The following EVX2 variants were observed in gnomAD, a reference collection of about 807,000 sequenced individuals.
EVX2 encodes even-skipped homeobox 2.
A neutral mutation model predicts 19.2 loss-of-function variants in EVX2; 10 were observed. The observed-to-expected ratio is 0.52, with a 90% CI of 0.32 to 0.89. EVX2 has a LOEUF of 0.89. EVX2 is among the 40% of genes least tolerant of loss of function. The pLI, the probability that EVX2 is intolerant of heterozygous loss-of-function variation, is 0.03. For synonymous variants in EVX2, 354 were observed against 328.4 expected (o/e 1.08, Z -0.84); for missense variants, 710 against 694.9 (o/e 1.02, Z -0.24).
Position 176,079,924 on chromosome 2 carries a change from G to A in EVX2, c.*183C>T, listed in dbSNP as rs1359353981. 1 of 539,598 alleles carries A rather than the reference G, an allele frequency of 1.9e-6. No individual in the cohort carries two copies. The highest frequency in any genetic ancestry group is 2.9e-6 in the Non-Finnish European group (1 of 343,046). The allele number at this position is 539,598 out of a possible 1,614,324, so 33.4% of individuals were successfully genotyped here. On this transcript the variant is annotated 3_prime_UTR_variant, in exon 3 of 3. Coordinates refer to ENST00000308618, the MANE Select transcript of EVX2 (RefSeq NM_001080458.2). The surrounding 1 kb of genome is among the most constrained non-coding windows in gnomAD (Gnocchi z 4.4). Reference sequence around the variant, plus strand: ...AAATAATTTAGGGGGATGCCCGCCAGGCTTTTGCGCCTGCTCCTTCTCCCC... The same window carrying A: ...AAATAATTTAGGGGGATGCCCGCCAAGCTTTTGCGCCTGCTCCTTCTCCCC...
chr2:176,080,008 G>C lies in EVX2; in HGVS notation c.*99C>G. 7.9e-7 allele frequency: 1 copy of C among 1,265,374 alleles called. No individual in the cohort carries two copies. Among genetic ancestry groups the C allele is most frequent in the Non-Finnish European group, 1.0e-6 (1 of 992,868 alleles). The allele number at this position is 1,265,374 out of a possible 1,614,324, so 78.4% of individuals were successfully genotyped here. ...CCCCGGGGCGCCCCCTGGCGGCAGCGGCAGCAGCGGGCAACGCGCGGAGGG... is the reference window on the plus strand; with the variant it reads ...CCCCGGGGCGCCCCCTGGCGGCAGCCGCAGCAGCGGGCAACGCGCGGAGGG... On this transcript the variant is annotated 3_prime_UTR_variant, in exon 3 of 3. Transcript: ENST00000308618. The surrounding 1 kb of genome is among the most constrained non-coding windows in gnomAD (Gnocchi z 7.0).
At position 176,080,241 on chromosome 2, in the gene EVX2, C is replaced by T; in HGVS notation, c.1297G>A (p.Gly433Arg). ...GGGGGGAGAG[G>R]GSDFGCSAAA... Reference sequence around the variant, plus strand: ...GCGCTGCAGCCGAAGTCCGAGCCTCCCCCGGCCCCGGCGCCCCCGCCGCCG... The same window carrying T: ...GCGCTGCAGCCGAAGTCCGAGCCTCTCCCGGCCCCGGCGCCCCCGCCGCCG... Residue 433 changes from glycine (G) to arginine (R), a missense_variant, in exon 3 of 3, where the codon GGA becomes AGA. By Grantham distance (125) the Gly-to-Arg change is moderately radical. Coordinates refer to ENST00000308618, the MANE Select transcript of EVX2 (RefSeq NM_001080458.2). This position sits in a 1 kb window ranked among gnomAD's most constrained non-coding sequence, Gnocchi z 7.0. 7 of 1,365,744 alleles carry T rather than the reference C, an allele frequency of 5.1e-6. No individual in the cohort carries two copies. The highest frequency in any genetic ancestry group is 6.6e-6 in the Non-Finnish European group (7 of 1,058,414). The allele number at this position is 1,365,744 out of a possible 1,614,324, so 84.6% of individuals were successfully genotyped here. A position where few individuals can be genotyped will look rare whatever the true frequency, so the allele number is the denominator to read the frequency against.
chr2:176,083,797 C>T lies in EVX2; in HGVS notation c.-21G>A. On this transcript the variant is annotated 5_prime_UTR_variant, in exon 1 of 3. Coordinates refer to ENST00000308618, the MANE Select transcript of EVX2 (RefSeq NM_001080458.2). The surrounding 1 kb of genome is among the most constrained non-coding windows in gnomAD (Gnocchi z 4.4). Reference sequence around the variant, plus strand: ...ATCATCTCAGCTTTCTTAAAAATGTCACAGTGGCCCTGCTGTCCCGTCCTA... The same window carrying T: ...ATCATCTCAGCTTTCTTAAAAATGTTACAGTGGCCCTGCTGTCCCGTCCTA... 1 of 1,593,888 alleles carries T rather than the reference C, an allele frequency of 6.3e-7. No homozygotes were observed. The highest frequency in any genetic ancestry group is 2.2e-5 in the East Asian group (1 of 44,676).
At position 176,083,284 on chromosome 2, in the gene EVX2, CTGGCGGGG is replaced by C; in HGVS notation, c.427+58_427+65del. On this transcript the variant is annotated intron_variant, in intron 1 of 2. Transcript: ENST00000308618. The surrounding 1 kb of genome is among the most constrained non-coding windows in gnomAD (Gnocchi z 4.4). ...AGAGGGGAAAAGGCACCGGGAAAGG[CTGGCGGGG>C]GCCGCGGAGGAGCAAAGAGGATGGG... 1 of 1,486,364 alleles carries C rather than the reference CTGGCGGGG, an allele frequency of 6.7e-7. No homozygotes were observed. Among genetic ancestry groups the C allele is most frequent in the Non-Finnish European group, 9.1e-7 (1 of 1,104,574 alleles). 92.1% of individuals were successfully genotyped at this position (1,486,364 alleles called of 1,614,324 possible).
In EVX2 at chr2:176,079,483, C is replaced by T. The variant is rs888476002; in HGVS notation, c.*624G>A. On this transcript the variant is annotated 3_prime_UTR_variant, in exon 3 of 3. Transcript: ENST00000308618. The surrounding 1 kb of genome is among the most constrained non-coding windows in gnomAD (Gnocchi z 4.4). ...AGTAAACAATCTCACAAACAACCACCGCTGCCCACGCTCTCCATCCGTCCT... is the reference window on the plus strand; with the variant it reads ...AGTAAACAATCTCACAAACAACCACTGCTGCCCACGCTCTCCATCCGTCCT... 6.6e-6 allele frequency: 1 copy of T among 152,310 alleles called. No homozygotes were observed. The highest frequency in any genetic ancestry group is 1.5e-5 in the Non-Finnish European group (1 of 68,150). 9.4% of individuals were successfully genotyped at this position (152,310 alleles called of 1,614,324 possible). A position where few individuals can be genotyped will look rare whatever the true frequency, so the allele number is the denominator to read the frequency against.
chr2:176,082,030 A>G lies in EVX2; in HGVS notation c.699+148T>C. 1.1e-6 allele frequency: 1 copy of G among 907,352 alleles called. No homozygotes were observed. Among genetic ancestry groups the G allele is most frequent in the Non-Finnish European group, 1.6e-6 (1 of 634,662 alleles). 56.2% of individuals were successfully genotyped at this position (907,352 alleles called of 1,614,324 possible). Reference sequence around the variant, plus strand: ...GTTCGGATTCGGTGGCCGGGAAATAAATAAGCCAATTCCTTTGGTGACTAC... The same window carrying G: ...GTTCGGATTCGGTGGCCGGGAAATAGATAAGCCAATTCCTTTGGTGACTAC... On this transcript the variant is annotated intron_variant, in intron 2 of 2. Coordinates refer to ENST00000308618, the MANE Select transcript of EVX2 (RefSeq NM_001080458.2). This position sits in a 1 kb window ranked among gnomAD's most constrained non-coding sequence, Gnocchi z 5.2.
In EVX2 at chr2:176,081,800, C is replaced by A. The variant is rs1689149726; in HGVS notation, c.699+378G>T. 6.6e-6 allele frequency among the ~76,000 whole-genome samples: 1 copy of A among 152,162 alleles called. No homozygotes were observed. Among genetic ancestry groups the A allele is most frequent in the Admixed American group, 6.5e-5 (1 of 15,284 alleles). On this transcript the variant is annotated intron_variant, in intron 2 of 2. Transcript: ENST00000308618. This position sits in a 1 kb window ranked among gnomAD's most constrained non-coding sequence, Gnocchi z 5.9. ...TTTATGCGGAAAATAAATCTCCAAG[C>A]TCAAGAGCAAATGAAAAGTTTCACC...
Position 176,080,236 on chromosome 2 carries a change from G to C in EVX2, c.1302C>G (p.Gly434=). ...GGGGGAGAGG[G]SDFGCSAAAP... ...CCGCCGCGCTGCAGCCGAAGTCCGA[G>C]CCTCCCCCGGCCCCGGCGCCCCCGC... The change falls in exon 3 of 3, where the codon GGC becomes GGG. Residue 434 remains glycine (G), a synonymous_variant. Coordinates refer to ENST00000308618, the MANE Select transcript of EVX2 (RefSeq NM_001080458.2). This position sits in a 1 kb window ranked among gnomAD's most constrained non-coding sequence, Gnocchi z 7.0. 1 of 1,392,712 alleles carries C rather than the reference G, an allele frequency of 7.2e-7. No homozygotes were observed. Among genetic ancestry groups the C allele is most frequent in the Non-Finnish European group, 9.3e-7 (1 of 1,069,866 alleles). The allele number at this position is 1,392,712 out of a possible 1,614,324, so 86.3% of individuals were successfully genotyped here.
chr2:176,080,255 C>T lies in EVX2; in HGVS notation c.1283G>A (p.Gly428Asp). ...GTCCGAGCCTCCCCCGGCCCCGGCG[C>T]CCCCGCCGCCGCCGCCACCACCACC... ...GGGGGGGGGG[G>D]AGAGGGSDFG... The change falls in exon 3 of 3, where the codon GGC becomes GAC. Residue 428 changes from glycine (G) to aspartate (D), a missense_variant. Physicochemically the swap from Gly to Asp is moderately conservative, Grantham distance 94 (BLOSUM62 -1). Transcript: ENST00000308618. This position sits in a 1 kb window ranked among gnomAD's most constrained non-coding sequence, Gnocchi z 7.0. 1.5e-6 allele frequency: 2 copies of T among 1,328,508 alleles called. No homozygotes were observed. The highest frequency in any genetic ancestry group is 3.8e-5 in the South Asian group (2 of 52,886). The allele number at this position is 1,328,508 out of a possible 1,614,324, so 82.3% of individuals were successfully genotyped here.
Position 176,079,980 on chromosome 2 carries a change from G to A in EVX2, c.*127C>T. ...CGGAGCAGGTTCCCTTCGGCCTCCCGCGCCCCGGGGCGCCCCCTGGCGGCA... is the reference window on the plus strand; with the variant it reads ...CGGAGCAGGTTCCCTTCGGCCTCCCACGCCCCGGGGCGCCCCCTGGCGGCA... On this transcript the variant is annotated 3_prime_UTR_variant, in exon 3 of 3. Transcript: ENST00000308618. The surrounding 1 kb of genome is among the most constrained non-coding windows in gnomAD (Gnocchi z 4.4). The A allele has an allele frequency of 9.0e-7, 1 of 1,105,356 alleles. No homozygotes were observed. Among genetic ancestry groups the A allele is most frequent in the Non-Finnish European group, 1.2e-6 (1 of 857,578 alleles). 68.5% of individuals were successfully genotyped at this position (1,105,356 alleles called of 1,614,324 possible).
rs752262047 is a variant in EVX2 at position 176,082,171 on chromosome 2, T to A, written c.699+7A>T. 1 of 1,574,042 alleles carries A rather than the reference T, an allele frequency of 6.4e-7. No individual in the cohort carries two copies. The highest frequency in any genetic ancestry group is 8.6e-7 in the Non-Finnish European group (1 of 1,160,248). ...AGGCCAGAGCAGGCATGCACTGGAA[T>A]TGATACCTTGATGGTGGTTTCGGGC... is the stretch of plus-strand genomic sequence containing the variant. On this transcript the variant is annotated splice_region_variant and intron_variant, in intron 2 of 2. Transcript: ENST00000308618. The surrounding 1 kb of genome is among the most constrained non-coding windows in gnomAD (Gnocchi z 5.2).
At position 176,078,241 on chromosome 2, in the gene EVX2, T is replaced by C. The variant is rs1437880896; in HGVS notation, c.*1866A>G. On this transcript the variant is annotated 3_prime_UTR_variant, in exon 3 of 3. Transcript: ENST00000308618. The stretch of plus-strand genomic sequence containing the variant: ...GCCAATGTGTATGTATACATGAATA[T>C]GTGTGTATCTCTTACATATGTATTT... 1 of 135,172 alleles carries C rather than the reference T, an allele frequency of 7.4e-6. No homozygotes were observed. Among genetic ancestry groups the C allele is most frequent in the African/African-American group, 3.4e-5 (1 of 29,538 alleles). The allele number at this position is 135,172 out of a possible 1,614,324, so 8.4% of individuals were successfully genotyped here. A position where few individuals can be genotyped will look rare whatever the true frequency, so the allele number is the denominator to read the frequency against.
chr2:176,080,790 T>C lies in EVX2; in HGVS notation c.748A>G (p.Met250Val), dbSNP rs1218732757. Residue 250 changes from methionine (M) to valine (V), a missense_variant, in exon 3 of 3, where the codon ATG (methionine) becomes GTG (valine). Met to Val is a conservative substitution (Grantham distance 21). Transcript: ENST00000308618. The surrounding 1 kb of genome is among the most constrained non-coding windows in gnomAD (Gnocchi z 7.0). ...RMKDKRQRLA[M>V]SWPHPADPSF... is the part of the protein sequence containing the mutation. ...GGGTCGGCTGGGTGCGGCCAGGACA[T>C]GGCCAGGCGCTGCCGCTTGTCCTTC... 1.2e-6 allele frequency: 2 copies of C among 1,612,190 alleles called. No homozygotes were observed. Among genetic ancestry groups the C allele is most frequent in the South Asian group, 1.1e-5 (1 of 91,028 alleles).
chr2:176,078,236 G>A lies in EVX2; in HGVS notation c.*1871C>T, dbSNP rs1237337548. 2 of 146,894 alleles carry A rather than the reference G, an allele frequency of 1.4e-5. No homozygotes were observed. Among genetic ancestry groups the A allele is most frequent in the Non-Finnish European group, 3.0e-5 (2 of 67,708 alleles). 9.1% of individuals were successfully genotyped at this position (146,894 alleles called of 1,614,324 possible). A position where few individuals can be genotyped will look rare whatever the true frequency, so the allele number is the denominator to read the frequency against. On this transcript the variant is annotated 3_prime_UTR_variant, in exon 3 of 3. Transcript: ENST00000308618. ...ATAGTGCCAATGTGTATGTATACAT[G>A]AATATGTGTGTATCTCTTACATATG...
chr2:176,080,617 C>T lies in EVX2; in HGVS notation c.921G>A (p.Ala307=), dbSNP rs772357531. The change falls in exon 3 of 3, where the codon GCG becomes GCA. Residue 307 remains alanine, a synonymous_variant. Transcript: ENST00000308618. The surrounding 1 kb of genome is among the most constrained non-coding windows in gnomAD (Gnocchi z 7.0). ...TGGAAGTAGCGAAGGGCGACGAAGC[C>T]GCGGCCGCCGCGCCTGAGGCTGCAG... ...AAAAASGAAA[A]ASSPFATSIR... 12 of 1,521,156 alleles carry T rather than the reference C, an allele frequency of 7.9e-6. No individual in the cohort carries two copies. The East Asian group carries it at 2.6e-4, about 33-fold the overall frequency. 94.2% of individuals were successfully genotyped at this position (1,521,156 alleles called of 1,614,324 possible).
rs1280372653 is a variant in EVX2, at chr2:176,083,460, G to A, written c.317C>T (p.Ser106Leu). ...CATGTCGGCCTCAGCGGCCGCCTCT[G>A]AATAATGGCCCGGCTTCTTGCGGCT... Reference protein sequence around the residue: ...AESRKKPGHYSEAAAEADMSS... With the variant: ...AESRKKPGHYLEAAAEADMSS... The change falls in exon 1 of 3, where the codon TCA becomes TTA. Residue 106 changes from serine to leucine, a missense_variant. Coordinates refer to ENST00000308618, the MANE Select transcript of EVX2 (RefSeq NM_001080458.2). The surrounding 1 kb of genome is among the most constrained non-coding windows in gnomAD (Gnocchi z 4.4). The A allele has an allele frequency of 6.2e-7, 1 of 1,614,140 alleles. No homozygotes were observed.
chr2:176,079,410 C>CT lies in EVX2; in HGVS notation c.*696dup, dbSNP rs1370400647. ...CCCCTTCCAGCACCTCGGCTTTGTC[C>CT]TTCCCGGGGAAGGCGGCCACATCCC... On this transcript the variant is annotated 3_prime_UTR_variant, in exon 3 of 3. Coordinates refer to ENST00000308618, the MANE Select transcript of EVX2 (RefSeq NM_001080458.2). The surrounding 1 kb of genome is among the most constrained non-coding windows in gnomAD (Gnocchi z 4.4). 1 of 152,234 alleles carries CT rather than the reference C, an allele frequency of 6.6e-6. No individual in the cohort carries two copies. The highest frequency in any genetic ancestry group is 1.5e-5 in the Non-Finnish European group (1 of 68,078). 9.4% of individuals were successfully genotyped at this position (152,234 alleles called of 1,614,324 possible).
At position 176,083,864 on chromosome 2, in the gene EVX2, C is replaced by A; in HGVS notation, c.-88G>T. ...AGGGCTAATTCTCATTCAGCCCCAG[C>A]GAACGCCTCTAAATATTATTATCGC... On this transcript the variant is annotated 5_prime_UTR_variant, in exon 1 of 3. Coordinates refer to ENST00000308618, the MANE Select transcript of EVX2 (RefSeq NM_001080458.2). The surrounding 1 kb of genome is among the most constrained non-coding windows in gnomAD (Gnocchi z 4.4). 1 of 1,167,566 alleles carries A rather than the reference C, an allele frequency of 8.6e-7. No homozygotes were observed. Among genetic ancestry groups the A allele is most frequent in the Non-Finnish European group, 1.2e-6 (1 of 823,250 alleles). The allele number at this position is 1,167,566 out of a possible 1,614,324, so 72.3% of individuals were successfully genotyped here. A position where few individuals can be genotyped will look rare whatever the true frequency, so the allele number is the denominator to read the frequency against.
At position 176,082,214 on chromosome 2, in the gene EVX2, C is replaced by T; in HGVS notation, c.663G>A (p.Leu221=). 6.2e-7 allele frequency: 1 copy of T among 1,600,860 alleles called. No homozygotes were observed. The highest frequency in any genetic ancestry group is 8.5e-7 in the Non-Finnish European group (1 of 1,176,382). The change falls in exon 2 of 3, where the codon CTG becomes CTA. Residue 221 remains leucine (L), a synonymous_variant. Transcript: ENST00000308618. The surrounding 1 kb of genome is among the most constrained non-coding windows in gnomAD (Gnocchi z 5.2). ...NYVSRPRRCE[L]AAALNLPETT... Reference sequence around the variant, plus strand: ...TTTCGGGCAGGTTGAGTGCCGCGGCCAGCTCGCACCGGCGGGGCCGCGACA... The same window carrying T: ...TTTCGGGCAGGTTGAGTGCCGCGGCTAGCTCGCACCGGCGGGGCCGCGACA...
Sources: gnomAD v4.1 joint callset for allele counts (sites outside exome capture counted in the v4.1 genomes callset) on GRCh38, gnomAD v4.1.1 for gene constraint, Gnocchi (gnomAD v3.1) non-coding constraint, MANE v1.5 for transcripts, NCBI Gene and HGNC (gene_info 2026-07-23, HGNC 2026-07-21) for gene names.